TENM3: variants seen among roughly 807,000 people sequenced by gnomAD.
TENM3 encodes the protein teneurin transmembrane protein 3.
A neutral mutation model predicts 255.1 loss-of-function variants in TENM3; 63 were observed. That is an observed-to-expected ratio of 0.25 (90% CI 0.20 to 0.30). TENM3 has a LOEUF of 0.30. Among genes scored for constraint, TENM3 ranks in the 10% least tolerant of loss-of-function variants. The pLI is 1.00. For missense variants in TENM3, 2,929 were observed against 3,461.1 expected (o/e 0.85, Z 3.86); for synonymous variants, 1,306 against 1,322.3 (o/e 0.99, Z 0.27).
intron 1 of TENM3, among the ~76,000 whole-genome samples, chr4:182,233,644 G>T (rs1756714571): frequency 6.6e-6 from 1 of 152,114 alleles, no homozygotes; most frequent in South Asian, 2.1e-4. Flanking sequence ...CTGTATATTT[G>T]ACACGTGGTC....
At chr4:182,700,210 A>G (rs1757743543) in intron 12 of TENM3, among the ~76,000 whole-genome samples, 1 of 152,160 alleles carries the variant, frequency 6.6e-6, no homozygotes, top group Admixed American at 6.5e-5. Context: ...TTATTACCTA[A>G]TGGGGTAAAT....
the TENM3 span, among the ~76,000 whole-genome samples, chr4:181,683,535 C>T: frequency 6.6e-6 from 1 of 152,208 alleles, no homozygotes; most frequent in East Asian, 1.9e-4. Context: ...ATTTGTGCTT[C>T]TATAAGCTCC....
At chr4:181,954,207 C>T in the TENM3 span, among the ~76,000 whole-genome samples, 1 of 152,122 alleles carries the variant, frequency 6.6e-6, no homozygotes, top group South Asian at 2.1e-4. Flanking sequence ...CCAATTTAAT[C>T]TACTGTGCAT....
chr4:182,799,210 C>T lies in TENM3; in HGVS notation c.7345-386C>T, dbSNP rs1262612641. On this transcript the variant is annotated intron_variant, in intron 27 of 27. Coordinates refer to ENST00000511685, the MANE Select transcript of TENM3 (RefSeq NM_001080477.4). This position sits in a 1 kb window ranked among gnomAD's most constrained non-coding sequence, Gnocchi z 4.2. Reference sequence around the variant, plus strand: ...TCAGATCCCTCTCTGTGTTTGGTGGCTTCTCAGCCTCCTGTGGAGAAAGCT... The same window carrying T: ...TCAGATCCCTCTCTGTGTTTGGTGGTTTCTCAGCCTCCTGTGGAGAAAGCT... Among the ~76,000 whole-genome samples, 1 of 152,244 alleles carries T rather than the reference C, an allele frequency of 6.6e-6. No homozygotes were observed. The highest frequency in any genetic ancestry group is 1.5e-5 in the Non-Finnish European group (1 of 68,044).
the TENM3 span, among the ~76,000 whole-genome samples, chr4:181,952,306 G>A: frequency 6.6e-6 from 1 of 152,114 alleles, no homozygotes; most frequent in Non-Finnish European, 1.5e-5. Flanking sequence ...GGAAATTGTT[G>A]CATAGCCCAT....
intron 3 of TENM3, among the ~76,000 whole-genome samples, chr4:182,461,085 C>T (rs1020865379): frequency 2.6e-5 from 4 of 152,178 alleles, no homozygotes; most frequent in African/African-American, 9.7e-5. Flanking sequence ...ACTCTAAAAA[C>T]CAGATTTTTT....
chr4:181,617,629 A>G, the TENM3 span, among the ~76,000 whole-genome samples: 1 of 152,208 alleles, frequency 6.6e-6, no homozygotes, highest in African/African-American at 2.4e-5. Context: ...TGTTCTATTT[A>G]CAATGGGAGG....
chr4:181,688,767 G>C, the TENM3 span, among the ~76,000 whole-genome samples: 3 of 152,202 alleles, frequency 2.0e-5, no homozygotes, highest in South Asian at 6.2e-4. Flanking sequence ...AACTGCAACA[G>C]TCGGGGTTTA....
the TENM3 span, among the ~76,000 whole-genome samples, chr4:181,877,990 C>T: frequency 1.3e-5 from 2 of 152,162 alleles, no homozygotes; most frequent in Admixed American, 6.5e-5. Flanking sequence ...GTTTAAGGTT[C>T]CTGATGCACA....
the TENM3 span, among the ~76,000 whole-genome samples, chr4:181,817,080 G>A: frequency 7.2e-5 from 11 of 152,238 alleles, no homozygotes; most frequent in South Asian, 2.1e-4. Context: ...TGCTCCTTTC[G>A]CTATGCCATG....
At chr4:181,695,886 G>A in the TENM3 span, among the ~76,000 whole-genome samples, 1 of 151,736 alleles carries the variant, frequency 6.6e-6, no homozygotes, top group Non-Finnish European at 1.5e-5. Context: ...ATTACTGACT[G>A]TATTCTTTTT....
At chr4:182,790,638 G>A (rs1352247951) in intron 25 of TENM3, among the ~76,000 whole-genome samples, 3 of 152,156 alleles carry the variant, frequency 2.0e-5, no homozygotes, top group Non-Finnish European at 4.4e-5. Context: ...CTCATCAGAA[G>A]AGACTCACCC....
chr4:182,783,583 CT>C (rs1765361463), intron 24 of TENM3, among the ~76,000 whole-genome samples: 1 of 149,856 alleles, frequency 6.7e-6, no homozygotes, highest in Admixed American at 6.6e-5. Context: ...TCTGTATTTC[CT>C]GAATCTGAAC....
chr4:181,868,331 G>A, the TENM3 span, among the ~76,000 whole-genome samples: 103 of 151,572 alleles, frequency 6.8e-4, 1 homozygote, highest in East Asian at 0.011. Flanking sequence ...TTATTTCCCC[G>A]CTTTTAAATT....
chr4:182,169,407 GA>G, intron 1 of TENM3: 1 of 432,162 alleles, frequency 2.3e-6, no homozygotes, highest in South Asian at 1.7e-5. Context: ...TCTGCACGAG[GA>G]AAAGAAGTCT....
chr4:182,462,389 G>A (rs1039470650), intron 3 of TENM3, among the ~76,000 whole-genome samples: 5 of 151,740 alleles, frequency 3.3e-5, no homozygotes, highest in Non-Finnish European at 4.4e-5. Context: ...TTTATCTACA[G>A]ACTTAATGGG....
At chr4:181,728,535 C>T in the TENM3 span, among the ~76,000 whole-genome samples, 5 of 152,172 alleles carry the variant, frequency 3.3e-5, no homozygotes, top group African/African-American at 9.7e-5. Flanking sequence ...CCTGATGTTG[C>T]CATGGCATTT....
chr4:181,846,014 C>G, the TENM3 span, among the ~76,000 whole-genome samples: 1 of 152,260 alleles, frequency 6.6e-6, no homozygotes, highest in South Asian at 2.1e-4. Context: ...TATTTGAAAG[C>G]CCCTTCTGAA....
chr4:182,303,718 T>C (rs539867350), intron 1 of TENM3, among the ~76,000 whole-genome samples: 1 of 152,278 alleles, frequency 6.6e-6, no homozygotes, highest in African/African-American at 2.4e-5. Context: ...TCTAAGTTTG[T>C]TGTAGAATTT....
Sources: allele counts gnomAD v4.1 joint callset (sites outside exome capture counted in the v4.1 genomes callset), GRCh38; gene constraint gnomAD v4.1.1; non-coding constraint Gnocchi (gnomAD v3.1); transcripts MANE v1.5; gene names NCBI Gene and HGNC (gene_info 2026-07-23, HGNC 2026-07-21).